The following CSMD1 variants were observed in gnomAD, a reference collection of about 807,000 sequenced individuals.
CSMD1 encodes CUB and sushi domain-containing protein 1.
A neutral mutation model predicts 417.5 loss-of-function variants in CSMD1; 213 were observed. The ratio of observed to expected loss-of-function variants is 0.51; its 90% CI spans 0.46 to 0.57. CSMD1 has a LOEUF of 0.57. Ranked by LOEUF, CSMD1 falls within the 20% of genes least tolerant of loss-of-function variation. The probability of loss-of-function intolerance (pLI) is 0.00; values close to 1 mark genes in which losing one functional copy is unlikely to be tolerated. For missense variants in CSMD1, 6,923 were observed against 4,529.7 expected, an observed-to-expected ratio of 1.53 and a Z score of -15.17; for synonymous variants, 2,862 against 1,736.8, an observed-to-expected ratio of 1.65 and a Z score of -16.11.
chr8:4,144,507 A>T (rs554540557), intron 3 of CSMD1, among the ~76,000 whole-genome samples: 3 of 151,094 alleles, frequency 2.0e-5, no homozygotes, highest in Non-Finnish European at 2.9e-5. Flanking sequence ...GCTCCAGTCT[A>T]AATGCTTCAC....
chr8:4,056,802 T>C (rs934255282), intron 3 of CSMD1, among the ~76,000 whole-genome samples: 61 of 152,114 alleles, frequency 4.0e-4, no homozygotes, highest in Non-Finnish European at 4.4e-5. Context: ...TTTTTGTCCT[T>C]GTGATAGTTT....
chr8:4,461,424 T>C (rs796881137), intron 2 of CSMD1, among the ~76,000 whole-genome samples: 4 of 151,598 alleles, frequency 2.6e-5, no homozygotes, highest in African/African-American at 7.3e-5. Flanking sequence ...TATAACTATT[T>C]ACAAATCACA....
chr8:4,636,866 A>G (rs1411027994), intron 2 of CSMD1, among the ~76,000 whole-genome samples: 4 of 152,150 alleles, frequency 2.6e-5, no homozygotes, highest in African/African-American at 9.7e-5. Flanking sequence ...TCTGTCTTAC[A>G]AGAGGATTGT....
chr8:3,688,053 A>G (rs139397647), intron 7 of CSMD1, among the ~76,000 whole-genome samples: 5 of 152,218 alleles, frequency 3.3e-5, no homozygotes, highest in Non-Finnish European at 5.9e-5. Context: ...TGCTCACTGC[A>G]TCTGCTTTTT....
chr8:3,012,264 T>C (rs187485664), intron 52 of CSMD1, among the ~76,000 whole-genome samples: 5 of 152,338 alleles, frequency 3.3e-5, no homozygotes, highest in Admixed American at 3.3e-4. Context: ...AAACACAGCA[T>C]GGATTGAGTT....
At chr8:4,821,645 T>C (rs372175153) in intron 1 of CSMD1, among the ~76,000 whole-genome samples, 1 of 152,152 alleles carries the variant, frequency 6.6e-6, no homozygotes, top group South Asian at 2.1e-4. Flanking sequence ...CTTCACCTAA[T>C]GGGAATTTTG....
chr8:4,293,811 A>T (rs1427625804), intron 3 of CSMD1, among the ~76,000 whole-genome samples: 2 of 152,192 alleles, frequency 1.3e-5, no homozygotes, highest in African/African-American at 2.4e-5. Flanking sequence ...ATGAACATGC[A>T]TTTCTAAGCC....
intron 3 of CSMD1, among the ~76,000 whole-genome samples, chr8:4,215,562 G>A (rs568010035): frequency 6.6e-6 from 1 of 151,714 alleles, no homozygotes; most frequent in African/African-American, 2.4e-5. Flanking sequence ...GATAATCATA[G>A]ATCAGGCATT....
intron 1 of CSMD1, among the ~76,000 whole-genome samples, chr8:4,758,431 T>A (rs1443513896): frequency 6.6e-6 from 1 of 152,040 alleles, no homozygotes; most frequent in East Asian, 1.9e-4. Flanking sequence ...CAAAATGGCA[T>A]AAAGGTGACA....
intron 10 of CSMD1, among the ~76,000 whole-genome samples, chr8:3,561,254 C>G (rs1387545851): frequency 6.6e-6 from 1 of 152,152 alleles, no homozygotes; most frequent in Admixed American, 6.5e-5. Flanking sequence ...AACTGGAACT[C>G]CCACTTCACT....
At chr8:4,113,694 G>A (rs917685511) in intron 3 of CSMD1, among the ~76,000 whole-genome samples, 15 of 152,240 alleles carry the variant, frequency 9.9e-5, no homozygotes, top group Middle Eastern at 3.4e-3. Flanking sequence ...ATGAGCCACC[G>A]CGCCCAGCCA....
intron 2 of CSMD1, among the ~76,000 whole-genome samples, chr8:4,593,755 C>T (rs1023691753): frequency 2.0e-5 from 3 of 152,122 alleles, no homozygotes; most frequent in Admixed American, 2.0e-4. Context: ...TATGCAACAT[C>T]ATTTCCATTT....
At chr8:4,840,007 T>C (rs921950) in intron 1 of CSMD1, among the ~76,000 whole-genome samples, 131,801 of 152,150 alleles carry the variant, frequency 0.87, 57,758 homozygotes, top group East Asian at 1. Context: ...AGGTGCTTTT[T>C]GTCCTGCATG....
At chr8:3,495,337 A>C (rs1192455532) in intron 10 of CSMD1, among the ~76,000 whole-genome samples, 1 of 152,172 alleles carries the variant, frequency 6.6e-6, no homozygotes, top group Admixed American at 6.5e-5. Flanking sequence ...GACTTGTTTA[A>C]AGTTCTGGTG....
intron 42 of CSMD1, among the ~76,000 whole-genome samples, chr8:3,111,815 G>C (rs549502383): frequency 6.6e-6 from 1 of 152,188 alleles, no homozygotes. Flanking sequence ...ATGGGTGACA[G>C]AGTCTCTGTC....
intron 5 of CSMD1, among the ~76,000 whole-genome samples, chr8:3,840,419 CTTTAT>C (rs1803051435): frequency 6.6e-6 from 1 of 152,086 alleles, no homozygotes; most frequent in African/African-American, 2.4e-5. Flanking sequence ...TAACGTTGTA[CTTTAT>C]TTTATTGTGT....
At chr8:3,915,905 G>A (rs759720457) in intron 5 of CSMD1, among the ~76,000 whole-genome samples, 44 of 150,456 alleles carry the variant, frequency 2.9e-4, no homozygotes, top group Admixed American at 5.3e-4. Context: ...CATATAAATT[G>A]TGTGAGTTAT....
rs116347071 is a variant in CSMD1 at position 4,377,457 on chromosome 8, T to A, written c.415+42496A>T. Among the ~76,000 whole-genome samples the A allele has an allele frequency of 1.5e-3, 232 of 152,300 alleles. 1 individual carries two copies. Among genetic ancestry groups the A allele is most frequent in the African/African-American group, 5.3e-3 (222 of 41,580 alleles). ...AGAGGTTAAATTGATTTTTTCCCCCTTAAATTACTAACAAGTCAATTTGAC... is the reference window on the plus strand; with the variant it reads ...AGAGGTTAAATTGATTTTTTCCCCCATAAATTACTAACAAGTCAATTTGAC... On this transcript the variant is annotated intron_variant, in intron 3 of 69. Coordinates refer to ENST00000635120, the MANE Select transcript of CSMD1 (RefSeq NM_033225.6).
chr8:4,056,397 CTTT>C (rs938079564), intron 3 of CSMD1, among the ~76,000 whole-genome samples: 1 of 136,642 alleles, frequency 7.3e-6, no homozygotes, highest in Non-Finnish European at 1.5e-5. Context: ...TGGTGAATTT[CTTT>C]TTTTTTTCTT....
Sources: gnomAD v4.1 joint callset for allele counts (sites outside exome capture counted in the v4.1 genomes callset) on GRCh38, gnomAD v4.1.1 for gene constraint, MANE v1.5 for transcripts, NCBI Gene and HGNC (gene_info 2026-07-23, HGNC 2026-07-21) for gene names.